TMEM51: variants seen among roughly 807,000 people sequenced by gnomAD.
The protein encoded by TMEM51 is chromosome 1 open reading frame 72.
Under a neutral mutation model 13.6 loss-of-function variants are expected in TMEM51, and 8 were observed. The observed-to-expected ratio is 0.59, with a 90% CI of 0.35 to 1.07. TMEM51 has a LOEUF of 1.07. TMEM51 is among the 50% of genes least tolerant of loss of function. The pLI is 0.02. For synonymous variants in TMEM51, 147 were observed against 144.4 expected (o/e 1.02, Z -0.13); for missense variants, 279 against 330.7 (o/e 0.84, Z 1.21).
intron 1 of TMEM51, among the ~76,000 whole-genome samples, chr1:15,180,636 G>C (rs1643587002): frequency 6.6e-6 from 1 of 152,190 alleles, no homozygotes; most frequent in Non-Finnish European, 1.5e-5. Context: ...ACTTCTCCAT[G>C]ATTGCCTATG....
intron 1 of TMEM51, among the ~76,000 whole-genome samples, chr1:15,162,876 G>C (rs1642834769): frequency 6.6e-6 from 1 of 152,100 alleles, no homozygotes; most frequent in African/African-American, 2.4e-5. Flanking sequence ...GGGGAGTTAG[G>C]GTTTAATGGG....
rs1644278216 is a variant in TMEM51 at position 15,207,860 on chromosome 1, G to A, written c.-266-2630G>A. On this transcript the variant is annotated intron_variant, in intron 1 of 3. Coordinates refer to ENST00000376008, the MANE Select transcript of TMEM51 (RefSeq NM_001136218.2). The surrounding 1 kb of genome is among the most constrained non-coding windows in gnomAD (Gnocchi z 4.6). Reference sequence around the variant, plus strand: ...TCCTCATGTTGCCGGCAAATTATTTGCATACGGATACAAGATTTGGGTATC... The same window carrying A: ...TCCTCATGTTGCCGGCAAATTATTTACATACGGATACAAGATTTGGGTATC... Among the ~76,000 whole-genome samples, 1 of 152,134 alleles carries A rather than the reference G, an allele frequency of 6.6e-6. No individual in the cohort carries two copies.
At chr1:15,180,278 G>A (rs533036805) in intron 1 of TMEM51, among the ~76,000 whole-genome samples, 1 of 152,334 alleles carries the variant, frequency 6.6e-6, no homozygotes, top group South Asian at 2.1e-4. Flanking sequence ...TCCCAGGGCT[G>A]TCTCCTGATC....
chr1:15,154,308 G>A (rs929523934), intron 1 of TMEM51, among the ~76,000 whole-genome samples: 3 of 152,252 alleles, frequency 2.0e-5, no homozygotes, highest in Admixed American at 6.5e-5. Context: ...CGCGTGGTTA[G>A]GAGCAGAACT....
chr1:15,214,577 A>G (rs7551863), intron 2 of TMEM51, among the ~76,000 whole-genome samples: 129,501 of 152,262 alleles, frequency 0.85, 55,357 homozygotes, highest in East Asian at 0.97. Context: ...AGCAAGAGCT[A>G]CGATTTTACT....
At chr1:15,203,247 C>T (rs1441078990) in intron 1 of TMEM51, among the ~76,000 whole-genome samples, 1 of 151,984 alleles carries the variant, frequency 6.6e-6, no homozygotes, top group African/African-American at 2.4e-5. Flanking sequence ...GTGTACCTGG[C>T]CACCGTTTTT....
chr1:15,169,183 G>A (rs1643145010), intron 1 of TMEM51, among the ~76,000 whole-genome samples: 1 of 152,132 alleles, frequency 6.6e-6, no homozygotes, highest in Non-Finnish European at 1.5e-5. Flanking sequence ...AGGGAGTCGG[G>A]ATTTGAACCC....
At chr1:15,206,292 C>T (rs1267704138) in intron 1 of TMEM51, among the ~76,000 whole-genome samples, 1 of 147,938 alleles carries the variant, frequency 6.8e-6, no homozygotes, top group South Asian at 2.2e-4. Context: ...GGGAAGGGAA[C>T]ATTTACCTGT....
rs151268313 is a variant in TMEM51 at position 15,163,270 on chromosome 1, G to A, written c.-267+9316G>A. On this transcript the variant is annotated intron_variant, in intron 1 of 3. Transcript: ENST00000376008. Reference sequence around the variant, plus strand: ...ATAACAAATCAATAACATGTCAAATGCACTGATCTGAAATCTTTGCCCCTT... The same window carrying A: ...ATAACAAATCAATAACATGTCAAATACACTGATCTGAAATCTTTGCCCCTT... Among the ~76,000 whole-genome samples, 2 of 152,102 alleles carry A rather than the reference G, an allele frequency of 1.3e-5. 1 individual carries two copies. The highest frequency in any genetic ancestry group is 4.8e-5 in the African/African-American group (2 of 41,394).
chr1:15,209,437 CTT>C (rs1644302635), intron 1 of TMEM51, among the ~76,000 whole-genome samples: 1 of 152,074 alleles, frequency 6.6e-6, no homozygotes, highest in South Asian at 2.1e-4. Flanking sequence ...AGTTTATAGT[CTT>C]TGCGTTTCTT....
In TMEM51 at chr1:15,171,224, T is replaced by TG. The variant is rs1342706945; in HGVS notation, c.-267+17272dup. Reference sequence around the variant, plus strand: ...GATGCTGTTGATTTGGGGCCACGCCTGGAAGATCGCTGTTTGAGATCAAAA... The same window carrying TG: ...GATGCTGTTGATTTGGGGCCACGCCTGGGAAGATCGCTGTTTGAGATCAAAA... On this transcript the variant is annotated intron_variant, in intron 1 of 3. Coordinates refer to ENST00000376008, the MANE Select transcript of TMEM51 (RefSeq NM_001136218.2). 42 of 1,303,912 alleles carry TG rather than the reference T, an allele frequency of 3.2e-5. 1 individual carries two copies. The East Asian group carries it at 2.3e-3, about 71-fold the overall frequency. The allele number at this position is 1,303,912 out of a possible 1,614,324, so 80.8% of individuals were successfully genotyped here.
chr1:15,184,694 C>T (rs920050624), intron 1 of TMEM51, among the ~76,000 whole-genome samples: 2 of 152,160 alleles, frequency 1.3e-5, no homozygotes, highest in Non-Finnish European at 2.9e-5. Flanking sequence ...CAGGTAAAAT[C>T]AACCACACTT....
chr1:15,157,889 C>A (rs1046526930), intron 1 of TMEM51, among the ~76,000 whole-genome samples: 14 of 152,178 alleles, frequency 9.2e-5, no homozygotes, highest in African/African-American at 2.9e-4. Flanking sequence ...GGCTGGCGAC[C>A]ACTGTTAATA....
chr1:15,173,443 A>T (rs1643361909), intron 1 of TMEM51, among the ~76,000 whole-genome samples: 2 of 151,186 alleles, frequency 1.3e-5, no homozygotes, highest in Non-Finnish European at 2.9e-5. Flanking sequence ...CTGGTCTCGA[A>T]CTCCTGACCT....
intron 1 of TMEM51, among the ~76,000 whole-genome samples, chr1:15,187,654 A>G (rs1643821771): frequency 6.6e-6 from 1 of 152,212 alleles, no homozygotes; most frequent in Admixed American, 6.5e-5. Flanking sequence ...ATTTCCTGCT[A>G]ACAGCCCAGA....
chr1:15,192,607 G>C (rs1810509), intron 1 of TMEM51: 131,410 of 174,914 alleles, frequency 0.75, 49,831 homozygotes, highest in East Asian at 0.96. Context: ...GTGCGCACCA[G>C]CACACCCGGC....
intron 1 of TMEM51, chr1:15,171,227 A>G: frequency 7.7e-7 from 1 of 1,303,954 alleles, no homozygotes; most frequent in Non-Finnish European, 1.0e-6. Context: ...CCACGCCTGG[A>G]AGATCGCTGT....
At chr1:15,219,242 G>A (rs1644474451) in intron 3 of TMEM51, 84 bp from the exon 4 acceptor site, 2 of 1,419,252 alleles carry the variant, frequency 1.4e-6, no homozygotes, top group South Asian at 1.4e-5. Context: ...TGCTGTGTGT[G>A]GACTCTTTGG....
chr1:15,218,794 C>T (rs1255387734), intron 3 of TMEM51, among the ~76,000 whole-genome samples: 1 of 152,128 alleles, frequency 6.6e-6, no homozygotes, highest in Non-Finnish European at 1.5e-5. Flanking sequence ...TGGTAACGAC[C>T]CAGAAGTTAC....
Sources: allele counts gnomAD v4.1 joint callset (sites outside exome capture counted in the v4.1 genomes callset), GRCh38; gene constraint gnomAD v4.1.1; non-coding constraint Gnocchi (gnomAD v3.1); transcripts MANE v1.5; gene names NCBI Gene and HGNC (gene_info 2026-07-23, HGNC 2026-07-21).